Variants in BMP6 observed in about 807,000 individuals in gnomAD.
BMP6 encodes VG-1-R.
Under a neutral mutation model 54.1 loss-of-function variants are expected in BMP6, and 17 were observed. The observed-to-expected ratio is 0.31, with a 90% CI of 0.22 to 0.47. BMP6 has a LOEUF of 0.47. Ranked by LOEUF, BMP6 falls within the 20% of genes least tolerant of loss-of-function variation. The probability of loss-of-function intolerance (pLI) is 1.00; values close to 1 mark genes in which losing one functional copy is unlikely to be tolerated. For missense variants in BMP6, 720 were observed against 690.4 expected, an observed-to-expected ratio of 1.04 and a Z score of -0.48; for synonymous variants, 328 against 291.2, an observed-to-expected ratio of 1.13 and a Z score of -1.28.
chr6:7,761,993 C>T (rs1216866143), intron 1 of BMP6, among the ~76,000 whole-genome samples: 5 of 152,090 alleles, frequency 3.3e-5, no homozygotes, highest in African/African-American at 1.2e-4. Context: ...GTGATCTCAG[C>T]TCACTGCAAC....
chr6:7,782,921 T>A (rs892597271), intron 1 of BMP6, among the ~76,000 whole-genome samples: 1 of 151,484 alleles, frequency 6.6e-6, no homozygotes, highest in African/African-American at 2.4e-5. Context: ...TAATATGAGA[T>A]CCTAAAATAT....
chr6:7,820,893 C>A (rs1422708805), intron 1 of BMP6, among the ~76,000 whole-genome samples: 2 of 152,192 alleles, frequency 1.3e-5, no homozygotes, highest in African/African-American at 4.8e-5. Flanking sequence ...CGATCTAGAT[C>A]GCTTGTGTGC....
intron 1 of BMP6, among the ~76,000 whole-genome samples, chr6:7,816,804 T>C (rs1758534799): frequency 6.6e-6 from 1 of 151,392 alleles, no homozygotes; most frequent in African/African-American, 2.4e-5. Context: ...TATATTAGAT[T>C]AAAAAAAAAC....
chr6:7,879,215 G>C, intron 5 of BMP6, 65 bp downstream of exon 5: 11 of 1,501,534 alleles, frequency 7.3e-6, no homozygotes, highest in African/African-American at 1.4e-5. Context: ...CTGAATGGTG[G>C]CAGCCATTAC....
chr6:7,827,932 C>T (rs971010789), intron 1 of BMP6, among the ~76,000 whole-genome samples: 3 of 152,182 alleles, frequency 2.0e-5, no homozygotes, highest in East Asian at 1.9e-4. Flanking sequence ...CAAATGACAG[C>T]GTTCAGGTAG....
chr6:7,874,848 C>G (rs1032402274), intron 4 of BMP6, among the ~76,000 whole-genome samples: 3 of 152,132 alleles, frequency 2.0e-5, no homozygotes, highest in African/African-American at 7.2e-5. Context: ...TATGCCCTAA[C>G]TATTGAATAA....
chr6:7,835,092 A>G (rs1172675654), intron 1 of BMP6, among the ~76,000 whole-genome samples: 2 of 151,916 alleles, frequency 1.3e-5, no homozygotes, highest in African/African-American at 4.8e-5. Context: ...ATGGGACCAC[A>G]GAACCCAGAT....
At chr6:7,842,694 A>G (rs528041908) in intron 1 of BMP6, among the ~76,000 whole-genome samples, 1 of 152,348 alleles carries the variant, frequency 6.6e-6, no homozygotes, top group South Asian at 2.1e-4. Flanking sequence ...ACGGGCATAG[A>G]TGCTGGGAGA....
intron 1 of BMP6, among the ~76,000 whole-genome samples, chr6:7,772,947 T>C (rs1216178671): frequency 2.0e-5 from 3 of 152,180 alleles, no homozygotes; most frequent in African/African-American, 7.2e-5. Context: ...TGCTTTAATT[T>C]GTCTTAATTG....
chr6:7,879,155 G>A lies in BMP6; in HGVS notation c.1281+5G>A, dbSNP rs376084684. On this transcript the variant is annotated splice_donor_5th_base_variant and intron_variant, in intron 5 of 6. Coordinates refer to ENST00000283147, the MANE Select transcript of BMP6 (RefSeq NM_001718.6). ...TTCCAAGACCTGGGATGGCAGGTGA[G>A]TTCTCTGGACACGGGGGATAAAGGT... The A allele has an allele frequency of 1.9e-6, 3 of 1,612,514 alleles. No homozygotes were observed. The highest frequency in any genetic ancestry group is 2.5e-6 in the Non-Finnish European group (3 of 1,178,570).
chr6:7,831,672 A>G (rs998226015), intron 1 of BMP6, among the ~76,000 whole-genome samples: 1 of 152,234 alleles, frequency 6.6e-6, no homozygotes, highest in African/African-American at 2.4e-5. Context: ...TCCTGAATTT[A>G]GAATGCAAAG....
chr6:7,747,818 T>C (rs182264523), intron 1 of BMP6, among the ~76,000 whole-genome samples: 66 of 152,144 alleles, frequency 4.3e-4, no homozygotes, highest in Non-Finnish European at 4.1e-4. Flanking sequence ...AGCTAATTTT[T>C]TTTTTTTTGT....
intron 1 of BMP6, among the ~76,000 whole-genome samples, chr6:7,807,544 G>T (rs934317653): frequency 2.0e-4 from 30 of 152,166 alleles, no homozygotes; most frequent in African/African-American, 6.8e-4. Flanking sequence ...CTCCCAAAGT[G>T]CTGGGATCAC....
intron 1 of BMP6, among the ~76,000 whole-genome samples, chr6:7,781,206 T>C (rs1757937276): frequency 6.6e-6 from 1 of 152,198 alleles, no homozygotes. Context: ...CTCACCAAAT[T>C]TCTGCAAAAT....
At chr6:7,790,886 C>A (rs948247582) in intron 1 of BMP6, among the ~76,000 whole-genome samples, 4 of 152,200 alleles carry the variant, frequency 2.6e-5, no homozygotes, top group Admixed American at 2.0e-4. Flanking sequence ...GCTCTTCTAG[C>A]CTCACAAATC....
At chr6:7,825,507 G>A (rs959713840) in intron 1 of BMP6, among the ~76,000 whole-genome samples, 1 of 151,950 alleles carries the variant, frequency 6.6e-6, no homozygotes, top group East Asian at 1.9e-4. Context: ...GATCACCTGA[G>A]GTCAGGAATT....
intron 2 of BMP6, among the ~76,000 whole-genome samples, chr6:7,857,036 G>T (rs937537425): frequency 6.6e-6 from 1 of 152,200 alleles, no homozygotes; most frequent in Non-Finnish European, 1.5e-5. Flanking sequence ...TCCTGCCCTT[G>T]TCCGAGGGCA....
intron 1 of BMP6, among the ~76,000 whole-genome samples, chr6:7,806,641 A>G (rs1053684240): frequency 6.6e-6 from 1 of 152,372 alleles, no homozygotes; most frequent in South Asian, 2.1e-4. Flanking sequence ...AAGCAAGTAC[A>G]AAGTCATTAC....
chr6:7,809,173 C>G (rs973253068), intron 1 of BMP6, among the ~76,000 whole-genome samples: 7 of 141,366 alleles, frequency 5.0e-5, no homozygotes, highest in African/African-American at 1.8e-4. Context: ...TGATAACTTC[C>G]TTTAAAAACT....
Sources: allele counts gnomAD v4.1 joint callset (sites outside exome capture counted in the v4.1 genomes callset), GRCh38; gene constraint gnomAD v4.1.1; transcripts MANE v1.5; gene names NCBI Gene and HGNC (gene_info 2026-07-23, HGNC 2026-07-21).